Variants in RPS6KC1 observed in about 807,000 individuals in gnomAD.
RPS6KC1 encodes inactive ribosomal protein S6 kinase delta-1.
In RPS6KC1, 54 loss-of-function variants were observed where a neutral mutation model predicts 103.8. The ratio of observed to expected loss-of-function variants is 0.52; its 90% CI spans 0.42 to 0.65. The LOEUF (loss-of-function observed/expected upper bound fraction) is 0.65, where lower values mean the gene tolerates loss of function less well. Ranked by LOEUF, RPS6KC1 falls within the 30% of genes least tolerant of loss-of-function variation. The pLI, the probability that RPS6KC1 is intolerant of heterozygous loss-of-function variation, is 0.00. For synonymous variants in RPS6KC1, 439 were observed against 438.7 expected, an observed-to-expected ratio of 1.00 and a Z score of -0.01; for missense variants, 1,151 against 1,253.8, an observed-to-expected ratio of 0.92 and a Z score of 1.24.
chr1:213,715,453 C>A, the RPS6KC1 span, among the ~76,000 whole-genome samples: 3 of 152,148 alleles, frequency 2.0e-5, no homozygotes, highest in African/African-American at 4.8e-5. Flanking sequence ...TCTAAGATAT[C>A]CTTGACTGAT....
intron 8 of RPS6KC1, among the ~76,000 whole-genome samples, chr1:213,227,839 T>C (rs1421493186): frequency 6.6e-6 from 1 of 152,216 alleles, no homozygotes; most frequent in Non-Finnish European, 1.5e-5. Context: ...TCATAGACGA[T>C]AGTTCTCTGT....
chr1:213,177,292 C>T (rs1451170876), intron 8 of RPS6KC1, among the ~76,000 whole-genome samples: 1 of 152,096 alleles, frequency 6.6e-6, no homozygotes, highest in Non-Finnish European at 1.5e-5. Context: ...CACCGCTTTA[C>T]CATTCAAAGT....
At chr1:213,805,587 G>T in the RPS6KC1 span, among the ~76,000 whole-genome samples, 1 of 152,166 alleles carries the variant, frequency 6.6e-6, no homozygotes, top group Admixed American at 6.5e-5. Flanking sequence ...TAGTTTTCTT[G>T]CTATTTCCAC....
chr1:213,154,231 C>G (rs923601455), intron 6 of RPS6KC1, among the ~76,000 whole-genome samples: 3 of 152,234 alleles, frequency 2.0e-5, no homozygotes, highest in African/African-American at 7.2e-5. Flanking sequence ...GGGTCTTGTC[C>G]AAGGCCTGTT....
chr1:213,675,056 T>G, the RPS6KC1 span, among the ~76,000 whole-genome samples: 1 of 152,150 alleles, frequency 6.6e-6, no homozygotes, highest in Non-Finnish European at 1.5e-5. Flanking sequence ...TTGGTTGCAT[T>G]GTTTGCAAAT....
chr1:213,576,370 G>GT, the RPS6KC1 span, among the ~76,000 whole-genome samples: 4 of 119,958 alleles, frequency 3.3e-5, no homozygotes, highest in African/African-American at 1.1e-4. Flanking sequence ...AGATACTGTG[G>GT]GTTTTTTTTT....
At chr1:213,228,433 T>C (rs1408827312) in intron 8 of RPS6KC1, among the ~76,000 whole-genome samples, 1 of 152,084 alleles carries the variant, frequency 6.6e-6, no homozygotes, top group Non-Finnish European at 1.5e-5. Context: ...TAAAATTATT[T>C]CACTGAGCCA....
intron 6 of RPS6KC1, among the ~76,000 whole-genome samples, chr1:213,152,568 C>T (rs1354977097): frequency 8.8e-5 from 13 of 148,452 alleles, no homozygotes; most frequent in Admixed American, 2.7e-4. Flanking sequence ...GACGGGGTTG[C>T]CGCCGGGCAG....
chr1:213,131,410 C>T (rs796332848), intron 6 of RPS6KC1, among the ~76,000 whole-genome samples: 12 of 150,904 alleles, frequency 8.0e-5, no homozygotes, highest in African/African-American at 2.9e-4. Context: ...AGATCATTTT[C>T]ACCCTAATTT....
the RPS6KC1 span, among the ~76,000 whole-genome samples, chr1:213,417,516 G>C: frequency 2.0e-5 from 3 of 152,142 alleles, no homozygotes; most frequent in East Asian, 5.8e-4. Flanking sequence ...GATGGGGAAG[G>C]TGCAGCCCCC....
At chr1:213,702,152 T>C in the RPS6KC1 span, among the ~76,000 whole-genome samples, 1 of 151,986 alleles carries the variant, frequency 6.6e-6, no homozygotes, top group Non-Finnish European at 1.5e-5. Context: ...TCAATTTTCT[T>C]TTTAATTTTT....
chr1:213,159,355 A>G (rs1300631266), intron 6 of RPS6KC1, among the ~76,000 whole-genome samples: 1 of 152,222 alleles, frequency 6.6e-6, no homozygotes, highest in Non-Finnish European at 1.5e-5. Context: ...AAAGAGAGCC[A>G]CTTTCCTGCT....
At chr1:213,508,828 A>G in the RPS6KC1 span, among the ~76,000 whole-genome samples, 1 of 152,174 alleles carries the variant, frequency 6.6e-6, no homozygotes, top group Admixed American at 6.5e-5. Flanking sequence ...CTAATCTGCA[A>G]ATGGTATCTA....
At chr1:213,059,645 C>G (rs925511814) in intron 1 of RPS6KC1, among the ~76,000 whole-genome samples, 1 of 151,946 alleles carries the variant, frequency 6.6e-6, no homozygotes, top group South Asian at 2.1e-4. Flanking sequence ...TCCCGAGTAG[C>G]TGGGATTACA....
the RPS6KC1 span, among the ~76,000 whole-genome samples, chr1:213,487,236 C>G: frequency 9.2e-5 from 14 of 152,076 alleles, no homozygotes; most frequent in African/African-American, 3.4e-4. Context: ...ATCCCTGTCT[C>G]TACAAAAAAA....
the RPS6KC1 span, among the ~76,000 whole-genome samples, chr1:213,516,490 T>C: frequency 6.6e-6 from 1 of 152,244 alleles, no homozygotes; most frequent in South Asian, 2.1e-4. Context: ...GGGATAATCA[T>C]GTGTTTTTTG....
the RPS6KC1 span, among the ~76,000 whole-genome samples, chr1:213,709,989 T>C: frequency 4.6e-5 from 7 of 152,228 alleles, no homozygotes; most frequent in African/African-American, 1.7e-4. Flanking sequence ...GAACAATGTA[T>C]ATTCTGTTGA....
At chr1:213,208,984 A>G (rs1345473964) in intron 8 of RPS6KC1, among the ~76,000 whole-genome samples, 1 of 151,978 alleles carries the variant, frequency 6.6e-6, no homozygotes, top group Non-Finnish European at 1.5e-5. Flanking sequence ...CTAAGCCTAT[A>G]AAGTTCTTTG....
At chr1:213,089,361 A>G (rs945097575) in intron 3 of RPS6KC1, among the ~76,000 whole-genome samples, 3 of 151,642 alleles carry the variant, frequency 2.0e-5, no homozygotes, top group Non-Finnish European at 2.9e-5. Context: ...TTCAATATCA[A>G]TGGTTCCTTA....
Sources: gnomAD v4.1 joint callset for allele counts (sites outside exome capture counted in the v4.1 genomes callset) on GRCh38, gnomAD v4.1.1 for gene constraint, MANE v1.5 for transcripts, NCBI Gene and HGNC (gene_info 2026-07-23, HGNC 2026-07-21) for gene names.